Variants in IPO9 observed in about 807,000 individuals in gnomAD.
The protein encoded by IPO9 is importin-9.
Under a neutral mutation model 128.6 loss-of-function variants are expected in IPO9, and 28 were observed. The observed-to-expected ratio is 0.22, with a 90% CI of 0.16 to 0.30. The LOEUF is 0.30. Ranked by LOEUF, IPO9 falls within the 10% of genes least tolerant of loss-of-function variation. IPO9 has a pLI of 1.00. For synonymous variants in IPO9, 455 were observed against 475.8 expected (o/e 0.96, Z 0.57); for missense variants, 935 against 1,293.9 (o/e 0.72, Z 4.26).
rs1342779965 is a variant in IPO9 at position 201,866,745 on chromosome 1, A to G, written c.1641A>G (p.Gln547=). 2 of 1,613,440 alleles carry G rather than the reference A, an allele frequency of 1.2e-6. No homozygotes were observed. The highest frequency in any genetic ancestry group is 1.7e-6 in the Non-Finnish European group (2 of 1,179,576). The change falls in exon 15 of 24, where the codon CAA becomes CAG. Residue 547 remains glutamine, a synonymous_variant. Coordinates refer to ENST00000361565, the MANE Select transcript of IPO9 (RefSeq NM_018085.5). ...TATCTCTCTCTAGTTATTGTGACCA[A>G]CTGAAAGTCTCAGAGAGTACCCACG... The part of the protein sequence containing the change: ...AVRAIWGYCD[Q]LKVSESTHVL...
At chr1:201,847,488 T>G in intron 2 of IPO9, 64 bp from the exon 3 acceptor site, 2 of 1,429,406 alleles carry the variant, frequency 1.4e-6, no homozygotes, top group Non-Finnish European at 2.0e-6. Context: ...AGGCTATGTA[T>G]ATAGTTTTTA....
In IPO9 at chr1:201,882,430, T is replaced by C. The variant is rs1387786066; in HGVS notation, c.*6376T>C. 3.3e-5 allele frequency: 2 copies of C among 60,764 alleles called. No homozygotes were observed. Among genetic ancestry groups the C allele is most frequent in the South Asian group, 7.3e-4 (1 of 1,378 alleles). 3.8% of individuals were successfully genotyped at this position (60,764 alleles called of 1,614,324 possible). A position where few individuals can be genotyped will look rare whatever the true frequency, so the allele number is the denominator to read the frequency against. On this transcript the variant is annotated 3_prime_UTR_variant, in exon 24 of 24. Transcript: ENST00000361565. ...CTGGGCGACAGAGCGACACTCTGCC[T>C]CAAAAAAAAAAAAAAACAAAAAAAA...
intron 1 of IPO9, 66 bp from the exon 2 acceptor site, chr1:201,847,207 CAGGGTT>C (rs1458933543): frequency 9.5e-7 from 1 of 1,051,232 alleles, no homozygotes; most frequent in Non-Finnish European, 1.5e-6. Context: ...TTGTTGGCAT[CAGGGTT>C]AGAGCTTAGT....
At chr1:201,838,432 A>G (rs1305209819) in intron 1 of IPO9, among the ~76,000 whole-genome samples, 1 of 152,230 alleles carries the variant, frequency 6.6e-6, no homozygotes, top group African/African-American at 2.4e-5. Flanking sequence ...CAGTTCTGAT[A>G]GTTGACTCCC....
intron 5 of IPO9, among the ~76,000 whole-genome samples, chr1:201,852,499 C>G (rs1001938617): frequency 2.0e-5 from 3 of 152,208 alleles, no homozygotes; most frequent in African/African-American, 7.2e-5. Context: ...GTTATCCCAC[C>G]TACGCTTGCC....
At chr1:201,831,932 C>T (rs1679841758) in intron 1 of IPO9, among the ~76,000 whole-genome samples, 1 of 151,844 alleles carries the variant, frequency 6.6e-6, no homozygotes, top group Non-Finnish European at 1.5e-5. Context: ...GACAGAGTCT[C>T]AGTCTGTCGC....
chr1:201,837,995 G>A lies in IPO9; in HGVS notation c.163+8623G>A, dbSNP rs371972880. Among the ~76,000 whole-genome samples the A allele has an allele frequency of 2.3e-4, 35 of 152,294 alleles. 1 individual carries two copies. The South Asian group carries it at 4.6e-3, about 20-fold the overall frequency. On this transcript the variant is annotated intron_variant, in intron 1 of 23. Transcript: ENST00000361565. ...TGAGGCAGGAGGATCGCTTGAACCC[G>A]GGAGGTGGAGGTTGCGGTGAGCTGA... is the stretch of plus-strand genomic sequence containing the variant.
At position 201,877,646 on chromosome 1, in the gene IPO9, GGGC is replaced by G. The variant is rs1680790289; in HGVS notation, c.*1594_*1596del. ...ACAAAGAAGAAATAGAATATAGGCT[GGGC>G]GTGGTGTGTCACACCTGTAATCCCA... On this transcript the variant is annotated 3_prime_UTR_variant, in exon 24 of 24. Coordinates refer to ENST00000361565, the MANE Select transcript of IPO9 (RefSeq NM_018085.5). 6.6e-6 allele frequency: 1 copy of G among 152,140 alleles called. No individual in the cohort carries two copies. Among genetic ancestry groups the G allele is most frequent in the African/African-American group, 2.4e-5 (1 of 41,414 alleles). The allele number at this position is 152,140 out of a possible 1,614,324, so 9.4% of individuals were successfully genotyped here.
Position 201,867,989 on chromosome 1 carries a change from A to G in IPO9, c.1856-659A>G, listed in dbSNP as rs866916042. 3.3e-5 allele frequency among the ~76,000 whole-genome samples: 5 copies of G among 152,324 alleles called. No individual in the cohort carries two copies. The Middle Eastern group carries it at 0.014, about 414-fold the overall frequency. On this transcript the variant is annotated intron_variant, in intron 15 of 23. Transcript: ENST00000361565. ...CATTCTGTTAATGGACATCTAGGGTATTCCCAATTTTTTTCTATTACAAAC... is the reference window on the plus strand; with the variant it reads ...CATTCTGTTAATGGACATCTAGGGTGTTCCCAATTTTTTTCTATTACAAAC...
chr1:201,837,208 G>T (rs1679957220), intron 1 of IPO9, among the ~76,000 whole-genome samples: 1 of 152,140 alleles, frequency 6.6e-6, no homozygotes, highest in Admixed American at 6.5e-5. Flanking sequence ...ATCTTTGATA[G>T]GTTACCAGAC....
chr1:201,829,433 C>G, intron 1 of IPO9, 61 bp downstream of exon 1: 4 of 1,451,986 alleles, frequency 2.8e-6, no homozygotes, highest in Non-Finnish European at 3.7e-6. Flanking sequence ...ACCGCAGCTC[C>G]GTACCGGCTG....
In IPO9 at chr1:201,876,578, C is replaced by T. The variant is rs1262604762; in HGVS notation, c.*524C>T. 2 of 193,824 alleles carry T rather than the reference C, an allele frequency of 1.0e-5. No homozygotes were observed. The highest frequency in any genetic ancestry group is 2.2e-5 in the Non-Finnish European group (2 of 91,692). 12.0% of individuals were successfully genotyped at this position (193,824 alleles called of 1,614,324 possible). A position where few individuals can be genotyped will look rare whatever the true frequency, so the allele number is the denominator to read the frequency against. ...CAGGCAAGAGCAGCTTCATTCTAAG[C>T]CTTTCCAGTGACCTCAGCCTTGCTT... On this transcript the variant is annotated 3_prime_UTR_variant, in exon 24 of 24. Coordinates refer to ENST00000361565, the MANE Select transcript of IPO9 (RefSeq NM_018085.5).
chr1:201,856,718 G>A (rs920743432), intron 10 of IPO9, among the ~76,000 whole-genome samples: 3 of 152,148 alleles, frequency 2.0e-5, no homozygotes, highest in Admixed American at 6.5e-5. Context: ...ACAGGGTCTT[G>A]CTGTTTTGCT....
chr1:201,875,343 A>T (rs1558226322), intron 23 of IPO9, 115 bp downstream of exon 23: 2 of 922,252 alleles, frequency 2.2e-6, no homozygotes, highest in African/African-American at 1.6e-5. Context: ...TAATCCCAAC[A>T]CTTTGGGAGG....
chr1:201,857,010 A>G (rs369385271), intron 10 of IPO9, 86 bp from the exon 11 acceptor site: 1 of 886,474 alleles, frequency 1.1e-6, no homozygotes, highest in Non-Finnish European at 1.9e-6. Flanking sequence ...TTTTCAGGAT[A>G]ATAGGTTGAA....
chr1:201,834,945 C>T (rs1362588767), intron 1 of IPO9: 3 of 152,408 alleles, frequency 2.0e-5, no homozygotes, highest in African/African-American at 7.2e-5. Flanking sequence ...TTTTCTGGCT[C>T]TTTTGCAGTA....
rs1002020134 is a variant in IPO9 at position 201,882,465 on chromosome 1, T to C, written c.*6411T>C. The C allele has an allele frequency of 2.0e-5, 3 of 151,472 alleles. No individual in the cohort carries two copies. The highest frequency in any genetic ancestry group is 2.9e-5 in the Non-Finnish European group (2 of 67,956). The allele number at this position is 151,472 out of a possible 1,614,324, so 9.4% of individuals were successfully genotyped here. A position where few individuals can be genotyped will look rare whatever the true frequency, so the allele number is the denominator to read the frequency against. On this transcript the variant is annotated 3_prime_UTR_variant, in exon 24 of 24. Coordinates refer to ENST00000361565, the MANE Select transcript of IPO9 (RefSeq NM_018085.5). ...AAAAAAACAAAAAAAAAAACAAGTT[T>C]TGTGAATTTAAGTTTCCCTAATGGA...
chr1:201,832,764 C>T (rs1679861703), intron 1 of IPO9, among the ~76,000 whole-genome samples: 2 of 152,174 alleles, frequency 1.3e-5, no homozygotes, highest in Admixed American at 6.5e-5. Context: ...GAGACTGATC[C>T]CACATGGTCT....
At position 201,876,108 on chromosome 1, in the gene IPO9, C is replaced by A; in HGVS notation, c.*54C>A. The A allele has an allele frequency of 8.4e-7, 1 of 1,196,482 alleles. No homozygotes were observed. Among genetic ancestry groups the A allele is most frequent in the Non-Finnish European group, 1.3e-6 (1 of 798,776 alleles). The allele number at this position is 1,196,482 out of a possible 1,614,324, so 74.1% of individuals were successfully genotyped here. ...TCTGGGCCAGCCGCAAACCATTTTG[C>A]AGCCCTCACTGGCCTTGAGATGCAC... is the stretch of plus-strand genomic sequence containing the variant. On this transcript the variant is annotated 3_prime_UTR_variant, in exon 24 of 24. Transcript: ENST00000361565.
Sources: allele counts gnomAD v4.1 joint callset (sites outside exome capture counted in the v4.1 genomes callset), GRCh38; gene constraint gnomAD v4.1.1; transcripts MANE v1.5; gene names NCBI Gene and HGNC (gene_info 2026-07-23, HGNC 2026-07-21).